The following ZNF846 variants were observed in gnomAD, a reference collection of about 807,000 sequenced individuals.
ZNF846 encodes zinc finger protein 846.
ZNF846 carries 15 observed loss-of-function variants against 16.0 expected under a neutral mutation model. The observed-to-expected ratio is 0.94, with a 90% CI of 0.63 to 1.45. The LOEUF (loss-of-function observed/expected upper bound fraction) is 1.45, where lower values mean the gene tolerates loss of function less well. Ranked by LOEUF, ZNF846 falls within the 40% of genes most tolerant of loss-of-function variation. The probability of loss-of-function intolerance (pLI) is 0.00; values close to 1 mark genes in which losing one functional copy is unlikely to be tolerated. For missense variants in ZNF846, 714 were observed against 622.3 expected (o/e 1.15, Z -1.57); for synonymous variants, 229 against 212.0 (o/e 1.08, Z -0.70).
At chr19:9,769,166 C>T (rs1227773439), upstream of ZNF846, among the ~76,000 whole-genome samples, 2 of 152,104 alleles carry the variant, frequency 1.3e-5, no homozygotes, top group African/African-American at 4.8e-5. Context: ...ATCATTGCAG[C>T]CTGGAATTCC....
downstream of ZNF846, among the ~76,000 whole-genome samples, chr19:9,754,206 T>A (rs1301909470): frequency 2.6e-5 from 4 of 151,492 alleles, no homozygotes; most frequent in African/African-American, 7.3e-5. Context: ...TCTCTTTAGG[T>A]TACTATTTAC....
At chr19:9,757,886 T>C in exon 6 of ZNF846, 1 of 1,613,330 alleles carries the variant, frequency 6.2e-7, no homozygotes, top group Non-Finnish European at 8.5e-7. Context: ...TCCCACATTC[T>C]TTACATTCAT....
upstream of ZNF846, among the ~76,000 whole-genome samples, chr19:9,769,698 G>T (rs1278161349): frequency 6.6e-6 from 1 of 152,090 alleles, no homozygotes; most frequent in Non-Finnish European, 1.5e-5. Context: ...TGATGGGGCT[G>T]GGGGCAGTGG....
intron 1 of ZNF846, chr19:9,775,023 C>A (rs919307400): frequency 6.9e-7 from 1 of 1,449,166 alleles, no homozygotes; most frequent in East Asian, 2.3e-5. Flanking sequence ...TTCAGACACC[C>A]GGCAAAGCAG....
intron 4 of ZNF846, among the ~76,000 whole-genome samples, chr19:9,760,863 T>G (rs1181683650): frequency 6.6e-6 from 1 of 151,562 alleles, no homozygotes; most frequent in East Asian, 1.9e-4. Context: ...GGGGACTGAC[T>G]ACTTGATGGG....
At chr19:9,770,480 CT>C (rs565850988), upstream of ZNF846, among the ~76,000 whole-genome samples, 2,038 of 130,080 alleles carry the variant, frequency 0.016, 17 homozygotes, top group African/African-American at 0.036. Flanking sequence ...TGGGTTTTCT[CT>C]TTTTTTTTTT....
exon 6 of ZNF846, chr19:9,752,299 A>G (rs1319583886): frequency 1.1e-5 from 2 of 187,096 alleles, no homozygotes; most frequent in South Asian, 1.5e-4. Context: ...TTGTTCTTCC[A>G]TATACCTTTT....
chr19:9,774,756 T>G (rs1024873730), intron 1 of ZNF846: 15 of 1,566,758 alleles, frequency 9.6e-6, no homozygotes, highest in Non-Finnish European at 1.3e-5. Context: ...CAGGTCTGTC[T>G]GTCAGTAATT....
intron 3 of ZNF846, 151 bp from the exon 4 acceptor site, chr19:9,762,319 C>A: frequency 1.6e-6 from 1 of 625,816 alleles, no homozygotes; most frequent in Non-Finnish European, 2.9e-6. Flanking sequence ...ATTTCCAATA[C>A]ATGCACTAAA....
chr19:9,782,794 C>T (rs1337043090), intron 1 of ZNF846, among the ~76,000 whole-genome samples: 1 of 152,202 alleles, frequency 6.6e-6, no homozygotes, highest in African/African-American at 2.4e-5. Context: ...TTAAATAGGA[C>T]ACCATATGCA....
At chr19:9,774,988 G>A in intron 1 of ZNF846, 4 of 1,598,968 alleles carry the variant, frequency 2.5e-6, no homozygotes, top group Admixed American at 1.7e-5. Flanking sequence ...TCCAGCAAGT[G>A]TAAGCAGAGG....
chr19:9,773,263 G>A (rs1000684492), upstream of ZNF846, among the ~76,000 whole-genome samples: 33 of 152,134 alleles, frequency 2.2e-4, no homozygotes, highest in African/African-American at 7.7e-4. Flanking sequence ...CTGGGCTCAA[G>A]GGATCCTCCT....
exon 6 of ZNF846, chr19:9,757,958 T>A (rs1371337954): frequency 1.2e-6 from 2 of 1,613,576 alleles, no homozygotes; most frequent in Admixed American, 3.3e-5. Context: ...GAGTAAAAGC[T>A]TTCCCACATG....
At chr19:9,754,557 T>A, downstream of ZNF846, among the ~76,000 whole-genome samples, 1 of 98,454 alleles carries the variant, frequency 1.0e-5, no homozygotes, top group Admixed American at 1.2e-4. Context: ...AGAGCGAGAC[T>A]CTGTCTTAAA....
chr19:9,757,629 C>T (rs996648041), exon 6 of ZNF846: 4 of 1,613,514 alleles, frequency 2.5e-6, no homozygotes, highest in East Asian at 4.5e-5. Context: ...GGCTTTCCCA[C>T]ATTCTTTACA....
At chr19:9,766,955 CTT>C (rs1568326118) in intron 1 of ZNF846, among the ~76,000 whole-genome samples, 2 of 150,034 alleles carry the variant, frequency 1.3e-5, no homozygotes, top group African/African-American at 4.9e-5. Context: ...TTAAAGAAGA[CTT>C]GATATTGTCA....
At chr19:9,766,641 G>T (rs1478675792) in intron 1 of ZNF846, among the ~76,000 whole-genome samples, 3 of 152,132 alleles carry the variant, frequency 2.0e-5, no homozygotes, top group African/African-American at 7.2e-5. Flanking sequence ...ACTTTGGGAG[G>T]CCGAGGTGAG....
downstream of ZNF846, among the ~76,000 whole-genome samples, chr19:9,754,970 A>T (rs368840370): frequency 1.3e-5 from 2 of 151,214 alleles, no homozygotes; most frequent in East Asian, 3.9e-4. Context: ...GGTTCAAGCA[A>T]TCCTCCTGCC....
At chr19:9,755,657 G>A (rs1442868907), downstream of ZNF846, 19 of 147,614 alleles carry the variant, frequency 1.3e-4, no homozygotes, top group South Asian at 6.5e-4. Flanking sequence ...AAAATTAGCC[G>A]GGCGTAGTGG....
Sources: gnomAD v4.1 joint callset for allele counts (sites outside exome capture counted in the v4.1 genomes callset) on GRCh38, gnomAD v4.1.1 for gene constraint, MANE v1.5 for transcripts, NCBI Gene and HGNC (gene_info 2026-07-23, HGNC 2026-07-21) for gene names.